The following CHCHD7 variants were observed in gnomAD, a reference collection of about 807,000 sequenced individuals.
CHCHD7 encodes the protein coiled-coil-helix-coiled-coil-helix domain-containing protein 7.
In CHCHD7, 7 loss-of-function variants were observed where a neutral mutation model predicts 10.5. The ratio of observed to expected loss-of-function variants is 0.67; its 90% CI spans 0.38 to 1.25. The LOEUF is 1.25. Among genes scored for constraint, CHCHD7 ranks in the 50% most tolerant of loss-of-function variants. The pLI is 0.02. For synonymous variants in CHCHD7, 40 were observed against 36.0 expected, an observed-to-expected ratio of 1.11 and a Z score of -0.40; for missense variants, 100 against 104.5, an observed-to-expected ratio of 0.96 and a Z score of 0.19.
intron 1 of CHCHD7, chr8:56,213,121 A>T: frequency 2.7e-6 from 1 of 371,496 alleles, no homozygotes; most frequent in Admixed American, 4.6e-5. Flanking sequence ...TCTCTTAGGA[A>T]GAAGGGAAGT....
At chr8:56,217,238 T>G (rs2129242644) in intron 3 of CHCHD7, 93 bp from the exon 4 acceptor site, 3 of 707,562 alleles carry the variant, frequency 4.2e-6, no homozygotes, top group Non-Finnish European at 6.9e-6. Flanking sequence ...ATTTCCTTTT[T>G]GAGGAAGCAA....
At chr8:56,216,986 T>C (rs1813386226) in intron 3 of CHCHD7, 1 of 428,564 alleles carries the variant, frequency 2.3e-6, no homozygotes, top group Non-Finnish European at 4.3e-6. Context: ...GGGATCCAGC[T>C]ATTTCCTTTC....
intron 1 of CHCHD7, chr8:56,212,454 C>T: frequency 6.1e-6 from 1 of 164,902 alleles, no homozygotes; most frequent in Non-Finnish European, 1.3e-5. Context: ...TTCCCCCTGC[C>T]CTTTCAAAGC....
rs1813233534 is a variant in CHCHD7 at position 56,214,631 on chromosome 8, G to C, written c.18G>C (p.Gln6His). Residue 6 changes from glutamine to histidine, a missense_variant, in exon 2 of 4, where the codon CAG (glutamine) becomes CAC (histidine). Transcript: ENST00000355315. MPSVT[Q>H]RLRDPDINPC... is the part of the protein sequence containing the mutation. Reference sequence around the variant, plus strand: ...CTGTTAGAATGCCCTCGGTAACACAGAGGCTGAGAGATCCTGACATAAATC... The same window carrying C: ...CTGTTAGAATGCCCTCGGTAACACACAGGCTGAGAGATCCTGACATAAATC... 1 of 1,613,586 alleles carries C rather than the reference G, an allele frequency of 6.2e-7. No homozygotes were observed.
At chr8:56,212,975 C>A in intron 1 of CHCHD7, 1 of 989,488 alleles carries the variant, frequency 1.0e-6, no homozygotes, top group Non-Finnish European at 1.6e-6. Flanking sequence ...ATGTAAGGCA[C>A]GAAACTTAAA....
At chr8:56,212,617 G>T in intron 1 of CHCHD7, 1 of 433,360 alleles carries the variant, frequency 2.3e-6, no homozygotes. Flanking sequence ...TTTTCTTTCT[G>T]GTTATGCTCT....
rs200236723 is a variant in CHCHD7 at position 56,217,450 on chromosome 8, A to C, written c.*15A>C. On this transcript the variant is annotated 3_prime_UTR_variant, in exon 4 of 4. Transcript: ENST00000355315. ...TGCCCTATTGAATGTTTGCATTAAA[A>C]GTGTTTATATAACTTAGAAGCAGAT... The C allele has an allele frequency of 7.2e-7, 1 of 1,398,512 alleles. No individual in the cohort carries two copies. 86.6% of individuals were successfully genotyped at this position (1,398,512 alleles called of 1,614,324 possible).
Position 56,214,592 on chromosome 8 carries a change from C to A in CHCHD7, c.-16-6C>A. ...GTATAATTATTTTTTTTCTGTCTAC[C>A]CTCAGTAAGAAGACTGTTAGAATGC... On this transcript the variant is annotated splice_polypyrimidine_tract_variant and splice_region_variant and intron_variant, in intron 1 of 3. Transcript: ENST00000355315. 1.2e-6 allele frequency: 2 copies of A among 1,604,936 alleles called. No homozygotes were observed. The highest frequency in any genetic ancestry group is 3.3e-5 in the Admixed American group (2 of 59,810).
rs540878268 is a variant in CHCHD7, at chr8:56,217,869, A to T, written c.*434A>T. ...TGTAGATTGCTCCACCTAGAATCTC[A>T]GGTGGGTGGAGCAGTGGTGGGAGAA... is the stretch of plus-strand genomic sequence containing the variant. On this transcript the variant is annotated 3_prime_UTR_variant, in exon 4 of 4. Coordinates refer to ENST00000355315, the MANE Select transcript of CHCHD7 (RefSeq NM_001011671.3). The T allele has an allele frequency of 2.1e-5, 5 of 233,134 alleles. No homozygotes were observed. In the East Asian group the frequency reaches 3.1e-4, roughly 14 times the overall value. 14.4% of individuals were successfully genotyped at this position (233,134 alleles called of 1,614,324 possible). A position where few individuals can be genotyped will look rare whatever the true frequency, so the allele number is the denominator to read the frequency against.
chr8:56,212,469 T>TA (rs1813058050), intron 1 of CHCHD7: 1 of 172,496 alleles, frequency 5.8e-6, no homozygotes, highest in African/African-American at 2.4e-5. Flanking sequence ...CAAAGCTACT[T>TA]AGAGAGGGGG....
chr8:56,214,594 T>A lies in CHCHD7; in HGVS notation c.-16-4T>A, dbSNP rs1247990118. ...ATAATTATTTTTTTTCTGTCTACCCTCAGTAAGAAGACTGTTAGAATGCCC... is the reference window on the plus strand; with the variant it reads ...ATAATTATTTTTTTTCTGTCTACCCACAGTAAGAAGACTGTTAGAATGCCC... On this transcript the variant is annotated splice_polypyrimidine_tract_variant and splice_region_variant and intron_variant, in intron 1 of 3. Coordinates refer to ENST00000355315, the MANE Select transcript of CHCHD7 (RefSeq NM_001011671.3). 4 of 1,608,798 alleles carry A rather than the reference T, an allele frequency of 2.5e-6. No homozygotes were observed.
intron 3 of CHCHD7, chr8:56,216,911 G>A (rs1377050701): frequency 8.1e-6 from 4 of 491,338 alleles, no homozygotes; most frequent in South Asian, 2.2e-5. Flanking sequence ...ACTGCCATCC[G>A]TGGAAGTTAA....
intron 1 of CHCHD7, 142 bp from the exon 2 acceptor site, chr8:56,214,456 A>G: frequency 1.8e-6 from 1 of 545,606 alleles, no homozygotes; most frequent in East Asian, 2.9e-5. Context: ...TTTATTCACA[A>G]AGTACAGAGA....
chr8:56,215,224 A>G (rs1377499823), intron 2 of CHCHD7: 1 of 152,670 alleles, frequency 6.6e-6, no homozygotes, highest in Non-Finnish European at 1.5e-5. Flanking sequence ...TGGTCCCATG[A>G]AAATTATACT....
intron 2 of CHCHD7, 52 bp downstream of exon 2, chr8:56,214,719 G>A (rs753650508): frequency 1.7e-5 from 25 of 1,445,540 alleles, no homozygotes; most frequent in Non-Finnish European, 2.3e-5. Context: ...AAAACAGGCT[G>A]CTCTAGTTTT....
chr8:56,214,414 A>C (rs960326737), intron 1 of CHCHD7, 184 bp from the exon 2 acceptor site: 1 of 496,036 alleles, frequency 2.0e-6, no homozygotes, highest in African/African-American at 1.9e-5. Flanking sequence ...GTGTTGAGGC[A>C]TGGCAATACA....
chr8:56,212,672 G>C, intron 1 of CHCHD7: 2 of 581,580 alleles, frequency 3.4e-6, no homozygotes, highest in South Asian at 4.7e-5. Context: ...CATTCAAAAA[G>C]TAATAGACAA....
Position 56,217,703 on chromosome 8 carries a change from A to G in CHCHD7, c.*268A>G. The G allele has an allele frequency of 2.9e-6, 1 of 340,088 alleles. No homozygotes were observed. The highest frequency in any genetic ancestry group is 5.5e-6 in the Non-Finnish European group (1 of 182,864). The allele number at this position is 340,088 out of a possible 1,614,324, so 21.1% of individuals were successfully genotyped here. ...GCTACATGAGAAATTGAGCTTTTCC[A>G]CTGGGTTTTGAAAGAAGAGTATGAT... On this transcript the variant is annotated 3_prime_UTR_variant, in exon 4 of 4. Transcript: ENST00000355315.
At chr8:56,215,938 G>A (rs1457116372) in intron 2 of CHCHD7, among the ~76,000 whole-genome samples, 1 of 152,162 alleles carries the variant, frequency 6.6e-6, no homozygotes, top group Non-Finnish European at 1.5e-5. Context: ...AAAATGCATT[G>A]AGATGAATGG....
Sources: allele counts gnomAD v4.1 joint callset (sites outside exome capture counted in the v4.1 genomes callset), GRCh38; gene constraint gnomAD v4.1.1; transcripts MANE v1.5; gene names NCBI Gene and HGNC (gene_info 2026-07-23, HGNC 2026-07-21).